Variants in NR5A2 observed in about 807,000 individuals in gnomAD.
The protein encoded by NR5A2 is CYP7A promoter-binding factor.
NR5A2 carries 26 observed loss-of-function variants against 62.7 expected under a neutral mutation model. The ratio of observed to expected loss-of-function variants is 0.41; its 90% CI spans 0.30 to 0.58. NR5A2 has a LOEUF of 0.58. Among genes scored for constraint, NR5A2 ranks in the 20% least tolerant of loss-of-function variants. The pLI is 0.22. For missense variants in NR5A2, 541 were observed against 669.1 expected, an observed-to-expected ratio of 0.81 and a Z score of 2.11; for synonymous variants, 246 against 241.7, an observed-to-expected ratio of 1.02 and a Z score of -0.16.
Position 200,034,429 on chromosome 1 carries a change from C to G in NR5A2, c.65-5229C>G, listed in dbSNP as rs189042518. 5.4e-3 allele frequency among the ~76,000 whole-genome samples: 820 copies of G among 152,282 alleles called. 5 individuals carry two copies. Among genetic ancestry groups the G allele is most frequent in the African/African-American group, 0.015 (637 of 41,558 alleles). ...TTCTTCTAAGGGCACCGACTATACC[C>G]TGGCGGGGCACTCCAGGACCCCTGG... is the stretch of plus-strand genomic sequence containing the variant. On this transcript the variant is annotated intron_variant, in intron 1 of 7. Coordinates refer to ENST00000367362, the MANE Select transcript of NR5A2 (RefSeq NM_205860.3).
intron 5 of NR5A2, among the ~76,000 whole-genome samples, chr1:200,053,590 C>CACGTGT (rs1160678035): frequency 6.6e-6 from 1 of 151,692 alleles, no homozygotes; most frequent in Non-Finnish European, 1.5e-5. Flanking sequence ...CACACACACA[C>CACGTGT]ACACACACAC....
Position 200,040,000 on chromosome 1 carries a change from C to T in NR5A2, c.202+205C>T, listed in dbSNP as rs1661990862. Among the ~76,000 whole-genome samples the T allele has an allele frequency of 6.6e-6, 1 of 152,120 alleles. No homozygotes were observed. The highest frequency in any genetic ancestry group is 2.1e-4 in the South Asian group (1 of 4,828). On this transcript the variant is annotated intron_variant, in intron 2 of 7. Coordinates refer to ENST00000367362, the MANE Select transcript of NR5A2 (RefSeq NM_205860.3). This position sits in a 1 kb window ranked among gnomAD's most constrained non-coding sequence, Gnocchi z 5.1. ...GCGGGGCAGAGGTTTTTCCAAGCAA[C>T]GTCTAATTGGCCGCTTCTAATTAAG...
chr1:200,047,057 A>C (rs1662400634), intron 4 of NR5A2, among the ~76,000 whole-genome samples: 1 of 152,206 alleles, frequency 6.6e-6, no homozygotes, highest in Non-Finnish European at 1.5e-5. Context: ...TACTAATCCA[A>C]GATAAAAAGC....
chr1:200,033,771 G>A (rs542308016), intron 1 of NR5A2, among the ~76,000 whole-genome samples: 21 of 152,314 alleles, frequency 1.4e-4, no homozygotes, highest in Admixed American at 1.2e-3. Flanking sequence ...TGCAACCTCT[G>A]TAACTGCCCA....
intron 5 of NR5A2, among the ~76,000 whole-genome samples, chr1:200,068,422 G>C (rs570523687): frequency 2.6e-5 from 4 of 151,826 alleles, no homozygotes; most frequent in Non-Finnish European, 4.4e-5. Flanking sequence ...CCACTACTTC[G>C]AAACTTACTT....
intron 7 of NR5A2, among the ~76,000 whole-genome samples, chr1:200,168,950 G>C (rs1280122437): frequency 6.6e-6 from 1 of 152,164 alleles, no homozygotes; most frequent in Non-Finnish European, 1.5e-5. Context: ...ACAGTTTATA[G>C]ATTGTCATCT....
intron 4 of NR5A2, among the ~76,000 whole-genome samples, chr1:200,045,874 GT>G (rs1212349041): frequency 2.7e-4 from 41 of 152,150 alleles, no homozygotes; most frequent in Admixed American, 5.2e-4. Flanking sequence ...AAAAGATCAG[GT>G]TATGAAAATA....
At chr1:200,129,741 G>A (rs914957201) in intron 7 of NR5A2, among the ~76,000 whole-genome samples, 1 of 152,172 alleles carries the variant, frequency 6.6e-6, no homozygotes, top group South Asian at 2.1e-4. Flanking sequence ...TCATGAAGGG[G>A]TTTTTCTGCC....
rs1247035651 is a variant in NR5A2, at chr1:200,174,068, A to T, written c.1484A>T (p.Lys495Ile). Residue 495 changes from lysine (K) to isoleucine (I), a missense_variant, in exon 8 of 8, where the codon AAA becomes ATA. By Grantham distance (102) the Lys-to-Ile change is moderately radical. Around this residue, in one of 3 missense-constraint regions of NR5A2, gnomAD observed 379 missense variants for 442.0 expected, o/e 0.86. Transcript: ENST00000367362. ...TGTAACTACCCGCAGCAGACAGAGA[A>T]ATTTGGACAGCTACTTCTTCGACTA... ...TMCNYPQQTEKFGQLLLRLPE... is the reference protein window; with the variant it reads ...TMCNYPQQTEIFGQLLLRLPE... The T allele has an allele frequency of 7.4e-6, 12 of 1,613,690 alleles. No homozygotes were observed. The highest frequency in any genetic ancestry group is 1.0e-5 in the Non-Finnish European group (12 of 1,179,944).
At chr1:200,172,414 G>A (rs1654224254) in intron 7 of NR5A2, among the ~76,000 whole-genome samples, 1 of 152,170 alleles carries the variant, frequency 6.6e-6, no homozygotes, top group Non-Finnish European at 1.5e-5. Flanking sequence ...CAATTTAAAT[G>A]CCACCGGAAG....
At chr1:200,161,893 T>G (rs1277796023) in intron 7 of NR5A2, among the ~76,000 whole-genome samples, 1 of 152,216 alleles carries the variant, frequency 6.6e-6, no homozygotes, top group Non-Finnish European at 1.5e-5. Context: ...ATGTGTGTGG[T>G]GCTATACCTG....
At chr1:200,138,599 T>C (rs554544743) in intron 7 of NR5A2, among the ~76,000 whole-genome samples, 3 of 152,286 alleles carry the variant, frequency 2.0e-5, no homozygotes, top group Admixed American at 6.5e-5. Flanking sequence ...TTGTGTATGG[T>C]GTGAGGGGGA....
Position 200,152,710 on chromosome 1 carries a change from G to C in NR5A2, c.1379-21253G>C, listed in dbSNP as rs532035676. Among the ~76,000 whole-genome samples the C allele has an allele frequency of 1.2e-3, 183 of 152,158 alleles. No individual in the cohort carries two copies. In the Middle Eastern group the frequency reaches 0.014, roughly 11 times the overall value. Reference sequence around the variant, plus strand: ...TTTTTTCATAGTTTTCCCAACTTTTGTGGATTTTTTTTCTATTTCGTTTTT... The same window carrying C: ...TTTTTTCATAGTTTTCCCAACTTTTCTGGATTTTTTTTCTATTTCGTTTTT... On this transcript the variant is annotated intron_variant, in intron 7 of 7. Transcript: ENST00000367362.
intron 5 of NR5A2, among the ~76,000 whole-genome samples, chr1:200,109,083 C>CAGTG (rs1665822838): frequency 6.6e-6 from 1 of 152,214 alleles, no homozygotes; most frequent in Non-Finnish European, 1.5e-5. Flanking sequence ...TTCAAAAAGG[C>CAGTG]AGTGACTGCG....
chr1:200,100,920 C>T (rs1426670418), intron 5 of NR5A2, among the ~76,000 whole-genome samples: 4 of 152,194 alleles, frequency 2.6e-5, no homozygotes, highest in Admixed American at 2.6e-4. Flanking sequence ...ACAACTGAAA[C>T]AACCCTTATG....
chr1:200,142,515 A>T (rs940490616), intron 7 of NR5A2, among the ~76,000 whole-genome samples: 6 of 151,710 alleles, frequency 4.0e-5, no homozygotes, highest in African/African-American at 1.5e-4. Context: ...CTTTTTTTTA[A>T]AAAAAAATTA....
intron 2 of NR5A2, among the ~76,000 whole-genome samples, chr1:200,041,512 C>T (rs369127122): frequency 1.3e-3 from 194 of 152,262 alleles, no homozygotes; most frequent in Non-Finnish European, 2.2e-3. Context: ...TCCGTAGGAG[C>T]CCAGAAAGAC....
At chr1:200,065,328 G>C (rs1247895694) in intron 5 of NR5A2, among the ~76,000 whole-genome samples, 1 of 151,822 alleles carries the variant, frequency 6.6e-6, no homozygotes, top group African/African-American at 2.4e-5. Flanking sequence ...ATTTTTAGGA[G>C]AGACAGGGTT....
chr1:200,103,838 A>G (rs2816985), intron 5 of NR5A2, among the ~76,000 whole-genome samples: 69,298 of 152,028 alleles, frequency 0.46, 16,050 homozygotes, highest in African/African-American at 0.52. Context: ...GGAAGAGGTG[A>G]TTGTCCAAAG....
Sources: allele counts gnomAD v4.1 joint callset (sites outside exome capture counted in the v4.1 genomes callset), GRCh38; gene constraint gnomAD v4.1.1; regional missense constraint gnomAD v4.1.1; non-coding constraint Gnocchi (gnomAD v3.1); transcripts MANE v1.5; gene names NCBI Gene and HGNC (gene_info 2026-07-23, HGNC 2026-07-21).